The following WWOX variants were observed in gnomAD, a reference collection of about 807,000 sequenced individuals.
WWOX encodes the protein WW domain containing oxidoreductase.
WWOX carries 69 observed loss-of-function variants against 46.2 expected under a neutral mutation model. The ratio of observed to expected loss-of-function variants is 1.49; its 90% confidence interval spans 1.23 to 1.82. WWOX has a LOEUF of 1.82. Among genes scored for constraint, WWOX ranks in the 40% most tolerant of loss-of-function variants. The pLI, the probability that WWOX is intolerant of heterozygous loss-of-function variation, is 0.00. For missense variants in WWOX, 919 were observed against 542.6 expected, an observed-to-expected ratio of 1.69 and a Z score of -6.89; for synonymous variants, 359 against 202.6, an observed-to-expected ratio of 1.77 and a Z score of -6.56.
At chr16:78,901,810 C>G (rs1384179607) in intron 8 of WWOX, among the ~76,000 whole-genome samples, 1 of 152,202 alleles carries the variant, frequency 6.6e-6, no homozygotes, top group Non-Finnish European at 1.5e-5. Context: ...GTTCTAAACA[C>G]TGGTGTACAA....
At chr16:78,371,534 TTA>T (rs10566627) in intron 5 of WWOX, among the ~76,000 whole-genome samples, 34,976 of 151,974 alleles carry the variant, frequency 0.23, 5,624 homozygotes, top group African/African-American at 0.46. Flanking sequence ...TGTCTTTTAC[TTA>T]TTTCTATTAT....
chr16:79,008,265 A>G (rs1217857227), intron 8 of WWOX, among the ~76,000 whole-genome samples: 6 of 152,196 alleles, frequency 3.9e-5, no homozygotes, highest in Admixed American at 3.3e-4. Flanking sequence ...TCAAGACTGA[A>G]GGAGGCTCCC....
intron 8 of WWOX, among the ~76,000 whole-genome samples, chr16:78,951,060 G>C (rs976711671): frequency 2.0e-4 from 31 of 152,198 alleles, no homozygotes; most frequent in Non-Finnish European, 3.1e-4. Flanking sequence ...AATGAGAAGA[G>C]GCCAGATGAG....
intron 5 of WWOX, among the ~76,000 whole-genome samples, chr16:78,176,349 G>C (rs888654085): frequency 4.6e-5 from 7 of 152,192 alleles, no homozygotes; most frequent in African/African-American, 1.4e-4. Flanking sequence ...CACTTGGTAA[G>C]GCTAGGCAGC....
At position 79,031,087 on chromosome 16, in the gene WWOX, T is replaced by C. The variant is rs1405780590; in HGVS notation, c.1057-180521T>C. ...CAGCCTGGACAACAGAGTGAGACCCTGTCTCAAAAAAAAAAAAAAAAATCC... is the reference window on the plus strand; with the variant it reads ...CAGCCTGGACAACAGAGTGAGACCCCGTCTCAAAAAAAAAAAAAAAAATCC... On this transcript the variant is annotated intron_variant, in intron 8 of 8. Transcript: ENST00000566780. 3.0e-5 allele frequency among the ~76,000 whole-genome samples: 3 copies of C among 100,274 alleles called. No homozygotes were observed. The East Asian group carries it at 1.2e-3, about 41-fold the overall frequency. 65.8% of individuals were successfully genotyped at this position (100,274 alleles called of 152,430 possible).
intron 4 of WWOX, among the ~76,000 whole-genome samples, chr16:78,143,539 A>G (rs1440871330): frequency 6.6e-6 from 1 of 152,206 alleles, no homozygotes; most frequent in African/African-American, 2.4e-5. Context: ...TCATAACAGC[A>G]GAATTGAGTA....
intron 8 of WWOX, among the ~76,000 whole-genome samples, chr16:79,128,559 A>C (rs118128635): frequency 0.029 from 4,468 of 152,274 alleles, 111 homozygotes; most frequent in Non-Finnish European, 0.035. Flanking sequence ...ACCCAGGTTA[A>C]CTTTAAATCC....
chr16:78,969,953 A>T (rs2046438644), intron 8 of WWOX, among the ~76,000 whole-genome samples: 1 of 152,164 alleles, frequency 6.6e-6, no homozygotes, highest in South Asian at 2.1e-4. Context: ...CAACTCTTTG[A>T]TTGTACTAAA....
chr16:78,210,572 G>A (rs924519472), intron 5 of WWOX, among the ~76,000 whole-genome samples: 9 of 152,014 alleles, frequency 5.9e-5, no homozygotes, highest in African/African-American at 1.7e-4. Context: ...TAAATCCTGC[G>A]TTTTCTCACC....
At chr16:78,865,615 C>G (rs374827646) in intron 8 of WWOX, among the ~76,000 whole-genome samples, 5 of 152,188 alleles carry the variant, frequency 3.3e-5, no homozygotes, top group South Asian at 2.1e-4. Flanking sequence ...CAGTGTGGCT[C>G]AAGCCTGTAA....
chr16:79,079,339 G>C (rs1466068775), intron 8 of WWOX, among the ~76,000 whole-genome samples: 1 of 151,614 alleles, frequency 6.6e-6, no homozygotes. Context: ...TTTTTCTTGG[G>C]TTCCCCCCGA....
At chr16:78,314,709 T>TTTTTG (rs2080324465) in intron 5 of WWOX, among the ~76,000 whole-genome samples, 1 of 77,396 alleles carries the variant, frequency 1.3e-5, no homozygotes, top group African/African-American at 5.5e-5. Flanking sequence ...TTGTTTTTTT[T>TTTTTG]TTTTTTTTTT....
At chr16:78,549,699 C>G (rs1597250718) in intron 8 of WWOX, among the ~76,000 whole-genome samples, 1 of 152,262 alleles carries the variant, frequency 6.6e-6, no homozygotes, top group South Asian at 2.1e-4. Context: ...TTAGCAAAAT[C>G]ACTACATATT....
At chr16:79,003,553 G>A (rs1042442269) in intron 8 of WWOX, among the ~76,000 whole-genome samples, 6 of 152,200 alleles carry the variant, frequency 3.9e-5, no homozygotes, top group Non-Finnish European at 7.3e-5. Context: ...TGCAGTGGCT[G>A]TTGATGGAGG....
intron 8 of WWOX, among the ~76,000 whole-genome samples, chr16:78,663,754 A>G (rs74520358): frequency 0.049 from 7,471 of 152,202 alleles, 291 homozygotes; most frequent in South Asian, 0.17. Flanking sequence ...GCTTTTGAGG[A>G]GGTGACATTT....
intron 5 of WWOX, among the ~76,000 whole-genome samples, chr16:78,330,726 G>C (rs1466145248): frequency 6.6e-6 from 1 of 152,168 alleles, no homozygotes; most frequent in Non-Finnish European, 1.5e-5. Context: ...CTATATGTGG[G>C]TGTATTTTTC....
At chr16:78,599,801 G>A (rs1407531881) in intron 8 of WWOX, among the ~76,000 whole-genome samples, 1 of 152,092 alleles carries the variant, frequency 6.6e-6, no homozygotes, top group Non-Finnish European at 1.5e-5. Context: ...TGCACTCTGG[G>A]TCTTGCCAAA....
At chr16:78,266,320 A>G (rs1380636232) in intron 5 of WWOX, among the ~76,000 whole-genome samples, 1 of 152,230 alleles carries the variant, frequency 6.6e-6, no homozygotes, top group Non-Finnish European at 1.5e-5. Flanking sequence ...AAGTAGTTTT[A>G]TTGGAACACA....
At chr16:78,866,039 T>C (rs768220202) in intron 8 of WWOX, among the ~76,000 whole-genome samples, 19 of 152,198 alleles carry the variant, frequency 1.2e-4, no homozygotes, top group African/African-American at 1.7e-4. Context: ...CCGTGAGTCA[T>C]AGACTCACTG....
Sources: allele counts gnomAD v4.1 joint callset (sites outside exome capture counted in the v4.1 genomes callset), GRCh38; gene constraint gnomAD v4.1.1; transcripts MANE v1.5; gene names NCBI Gene and HGNC (gene_info 2026-07-23, HGNC 2026-07-21).